The following C8orf74 variants were observed in gnomAD, a reference collection of about 807,000 sequenced individuals.
The protein encoded by C8orf74 is uncharacterized protein C8orf74.
In C8orf74, 29 loss-of-function variants were observed where a neutral mutation model predicts 22.2. The ratio of observed to expected loss-of-function variants is 1.31; its 90% CI spans 0.97 to 1.78. C8orf74 has a LOEUF of 1.78. C8orf74 is among the 40% of genes most tolerant of loss of function. C8orf74 has a pLI of 0.00. For synonymous variants in C8orf74, 255 were observed against 163.1 expected (o/e 1.56, Z -4.30); for missense variants, 515 against 369.9 (o/e 1.39, Z -3.22).
intron 2 of C8orf74, among the ~76,000 whole-genome samples, chr8:10,690,085 C>T (rs896883413): frequency 3.3e-5 from 5 of 152,168 alleles, no homozygotes; most frequent in African/African-American, 1.2e-4. Flanking sequence ...GCTGGAGGTC[C>T]CTTGCAGTGT....
rs1183914334 is a variant in C8orf74 at position 10,672,634 on chromosome 8, G to C, written c.-32G>C. Reference sequence around the variant, plus strand: ...GTTCCGGAAACTCTGAGTCAGTCTGGCTCCGTCTCCTGGCAACCAGATGCA... The same window carrying C: ...GTTCCGGAAACTCTGAGTCAGTCTGCCTCCGTCTCCTGGCAACCAGATGCA... On this transcript the variant is annotated 5_prime_UTR_variant, in exon 1 of 4. Coordinates refer to ENST00000304519, the MANE Select transcript of C8orf74 (RefSeq NM_001040032.2). The C allele has an allele frequency of 6.4e-7, 1 of 1,556,110 alleles. No individual in the cohort carries two copies. Among genetic ancestry groups the C allele is most frequent in the Admixed American group, 1.9e-5 (1 of 51,650 alleles).
At chr8:10,697,287 T>A (rs1459816721) in intron 2 of C8orf74, among the ~76,000 whole-genome samples, 1 of 151,724 alleles carries the variant, frequency 6.6e-6, no homozygotes, top group East Asian at 1.9e-4. Flanking sequence ...TAAACAAAAT[T>A]AGTCAGGTTT....
chr8:10,693,584 T>A (rs1391890052), intron 2 of C8orf74, among the ~76,000 whole-genome samples: 2 of 152,212 alleles, frequency 1.3e-5, no homozygotes, highest in African/African-American at 4.8e-5. Flanking sequence ...ATCCCAATGC[T>A]GGGGGCTGAG....
intron 3 of C8orf74, among the ~76,000 whole-genome samples, chr8:10,699,743 A>G (rs1322749680): frequency 1.3e-5 from 2 of 152,208 alleles, no homozygotes; most frequent in East Asian, 3.9e-4. Context: ...AGCTACCACT[A>G]GAACTTTGAA....
intron 2 of C8orf74, among the ~76,000 whole-genome samples, chr8:10,685,724 T>C (rs1324849829): frequency 2.6e-5 from 4 of 152,168 alleles, no homozygotes; most frequent in Admixed American, 6.5e-5. Context: ...ATGGCAGTGA[T>C]GGCTGCAAAA....
chr8:10,691,935 T>G (rs1799390236), intron 2 of C8orf74: 1 of 152,478 alleles, frequency 6.6e-6, no homozygotes, highest in Non-Finnish European at 1.5e-5. Context: ...TGTGGCCCTG[T>G]GCACGCAGCC....
chr8:10,676,189 A>AT (rs568928669), intron 2 of C8orf74, among the ~76,000 whole-genome samples: 41 of 151,826 alleles, frequency 2.7e-4, no homozygotes, highest in Middle Eastern at 3.4e-3. Flanking sequence ...AAGTATAATA[A>AT]TTTTTTTTTA....
chr8:10,685,692 G>A (rs541295427), intron 2 of C8orf74, among the ~76,000 whole-genome samples: 1 of 152,188 alleles, frequency 6.6e-6, no homozygotes, highest in Non-Finnish European at 1.5e-5. Flanking sequence ...AGTTTGGGAT[G>A]ATAAGAAAGC....
At chr8:10,682,983 G>C (rs943510058) in intron 2 of C8orf74, among the ~76,000 whole-genome samples, 2 of 152,246 alleles carry the variant, frequency 1.3e-5, no homozygotes, top group East Asian at 1.9e-4. Flanking sequence ...GCCGCACCTC[G>C]AGTGAGTGGT....
At chr8:10,677,676 C>G (rs1172240858) in intron 2 of C8orf74, among the ~76,000 whole-genome samples, 2 of 152,150 alleles carry the variant, frequency 1.3e-5, no homozygotes, top group African/African-American at 2.4e-5. Flanking sequence ...ATCCAGGTAG[C>G]CTTGTGTTTG....
Position 10,700,384 on chromosome 8 carries a change from GC to G in C8orf74, c.804del (p.Ile269SerfsTer11). 2 of 646,438 alleles carry G rather than the reference GC, an allele frequency of 3.1e-6. No homozygotes were observed. The highest frequency in any genetic ancestry group is 5.0e-6 in the Non-Finnish European group (2 of 402,006). The allele number at this position is 646,438 out of a possible 1,614,324, so 40.0% of individuals were successfully genotyped here. ...ACCTCAACGCCCCCACCCCTATCCC[GC>G]CCCCCATCACCAGCCACGCAGGCCA... Reference protein sequence around the residue: ...LNLNAPTPIPPPITSHAGQEE... With the variant: ...LNLNAPTPIPXPITSHAGQEE... On this transcript the variant is annotated frameshift_variant, in exon 4 of 4. Transcript: ENST00000304519. LOFTEE classifies it low-confidence loss of function (END_TRUNC).
chr8:10,684,971 G>C (rs1414543385), intron 2 of C8orf74, among the ~76,000 whole-genome samples: 1 of 152,228 alleles, frequency 6.6e-6, no homozygotes, highest in East Asian at 1.9e-4. Flanking sequence ...GTAGCATTGA[G>C]AGTGGGGGTC....
chr8:10,672,880 G>C (rs1033492918), intron 1 of C8orf74, among the ~76,000 whole-genome samples, 167 bp downstream of exon 1: 2 of 152,168 alleles, frequency 1.3e-5, no homozygotes, highest in Non-Finnish European at 2.9e-5. Flanking sequence ...TTCAGGCCAG[G>C]GCTTACCAGC....
rs1490329978 is a variant in C8orf74 at position 10,672,719 on chromosome 8, G to A, written c.48+6G>A. Reference sequence around the variant, plus strand: ...AAGAAGTCTTCCAACTTCAGGTGAAGGAAGAGAAAATGTGGCTTTTAAACA... The same window carrying A: ...AAGAAGTCTTCCAACTTCAGGTGAAAGAAGAGAAAATGTGGCTTTTAAACA... On this transcript the variant is annotated splice_donor_region_variant and intron_variant, in intron 1 of 3. Transcript: ENST00000304519. 1.3e-6 allele frequency: 2 copies of A among 1,556,188 alleles called. No individual in the cohort carries two copies. Among genetic ancestry groups the A allele is most frequent in the Non-Finnish European group, 1.7e-6 (2 of 1,149,210 alleles).
rs1251191930 is a variant in C8orf74 at position 10,700,439 on chromosome 8, A to G, written c.853A>G (p.Ser285Gly). 1.3e-6 allele frequency: 2 copies of G among 1,539,814 alleles called. No individual in the cohort carries two copies. The highest frequency in any genetic ancestry group is 1.8e-6 in the Non-Finnish European group (2 of 1,136,588). The change falls in exon 4 of 4, where the codon AGC becomes GGC. Residue 285 changes from serine (S) to glycine (G), a missense_variant. Coordinates refer to ENST00000304519, the MANE Select transcript of C8orf74 (RefSeq NM_001040032.2). ...GGAAGCCCTGAAGCCCCAAAGAGCGAGCAAAGGAAAGAAAGCGAAGGCAAG... is the reference window on the plus strand; with the variant it reads ...GGAAGCCCTGAAGCCCCAAAGAGCGGGCAAAGGAAAGAAAGCGAAGGCAAG... ...QEEALKPQRA[S>G]KGKKAKARK
chr8:10,683,509 C>T (rs58311189), intron 2 of C8orf74, among the ~76,000 whole-genome samples: 12,205 of 152,224 alleles, frequency 0.08, 1,641 homozygotes, highest in African/African-American at 0.28. Context: ...GGCACTGTGT[C>T]CCTGAGACTG....
intron 2 of C8orf74, chr8:10,687,009 G>A (rs1026090036): frequency 2.3e-6 from 1 of 443,012 alleles, no homozygotes; most frequent in African/African-American, 2.0e-5. Context: ...CGCCAAGAAG[G>A]GATTAGATTG....
rs1182661324 is a variant in C8orf74, at chr8:10,697,648, T to C, written c.291T>C (p.Asp97=). 3.7e-6 allele frequency: 6 copies of C among 1,613,736 alleles called. No homozygotes were observed. Among genetic ancestry groups the C allele is most frequent in the Non-Finnish European group, 5.1e-6 (6 of 1,179,858 alleles). ...CGATCCTGGGGAACAAGCTTAGAGA[T>C]TACCGGGGCCATTTCAACACCACCC... ...AVTILGNKLR[D]YRGHFNTTHL... The change falls in exon 3 of 4, where the codon GAT becomes GAC. Residue 97 remains aspartate, a synonymous_variant. Coordinates refer to ENST00000304519, the MANE Select transcript of C8orf74 (RefSeq NM_001040032.2).
chr8:10,700,474 G>C lies in C8orf74; in HGVS notation c.*3G>C. On this transcript the variant is annotated 3_prime_UTR_variant, in exon 4 of 4. Coordinates refer to ENST00000304519, the MANE Select transcript of C8orf74 (RefSeq NM_001040032.2). ...AGAAAGCGAAGGCAAGGAAGTAGAA[G>C]GTCCCGACTGCCACACGAGACTGAC... 1 of 1,543,114 alleles carries C rather than the reference G, an allele frequency of 6.5e-7. No homozygotes were observed. Among genetic ancestry groups the C allele is most frequent in the Non-Finnish European group, 8.8e-7 (1 of 1,141,460 alleles).
Sources: gnomAD v4.1 joint callset for allele counts (sites outside exome capture counted in the v4.1 genomes callset) on GRCh38, gnomAD v4.1.1 for gene constraint, MANE v1.5 for transcripts, NCBI Gene and HGNC (gene_info 2026-07-23, HGNC 2026-07-21) for gene names.